The following BTRC variants were observed in gnomAD, a reference collection of about 807,000 sequenced individuals.
BTRC encodes the protein beta-transducin repeat containing E3 ubiquitin protein ligase.
Under a neutral mutation model 85.5 loss-of-function variants are expected in BTRC, and 42 were observed. That is an observed-to-expected ratio of 0.49 (90% confidence interval 0.38 to 0.64). The LOEUF is 0.64. Ranked by LOEUF, BTRC falls within the 30% of genes least tolerant of loss-of-function variation. The pLI is 0.00. For missense variants in BTRC, 594 were observed against 743.5 expected (o/e 0.80, Z 2.34); for synonymous variants, 255 against 263.3 (o/e 0.97, Z 0.30).
chr10:101,438,961 C>T (rs899887536), intron 2 of BTRC, among the ~76,000 whole-genome samples: 25 of 152,220 alleles, frequency 1.6e-4, no homozygotes, highest in African/African-American at 6.0e-4. Flanking sequence ...GATTATAAAA[C>T]TGAATCATGA....
chr10:101,509,546 G>A (rs955992683), intron 4 of BTRC, among the ~76,000 whole-genome samples: 1 of 146,132 alleles, frequency 6.8e-6, no homozygotes, highest in Admixed American at 6.8e-5. Context: ...GAGCCACCGC[G>A]CCCAGCCTTT....
At chr10:101,461,500 G>A (rs544498399) in intron 2 of BTRC, among the ~76,000 whole-genome samples, 20 of 152,214 alleles carry the variant, frequency 1.3e-4, no homozygotes, top group African/African-American at 4.8e-4. Flanking sequence ...GTTTTTTTAA[G>A]TCCTATGCTA....
At chr10:101,501,483 T>C (rs1409894251) in intron 4 of BTRC, among the ~76,000 whole-genome samples, 1 of 152,214 alleles carries the variant, frequency 6.6e-6, no homozygotes, top group Non-Finnish European at 1.5e-5. Context: ...TCACTTTTGC[T>C]TTCAGGCTAC....
chr10:101,449,220 A>C (rs548922833), intron 2 of BTRC, among the ~76,000 whole-genome samples: 1 of 152,184 alleles, frequency 6.6e-6, no homozygotes, highest in African/African-American at 2.4e-5. Flanking sequence ...TTGAATTGTA[A>C]TAAAATGGTA....
At chr10:101,365,149 C>T (rs1442732313) in intron 1 of BTRC, 1 of 151,766 alleles carries the variant, frequency 6.6e-6, no homozygotes, top group Non-Finnish European at 1.5e-5. Flanking sequence ...TCTCGGCTCA[C>T]CGCAACCTCC....
At chr10:101,385,827 T>C (rs1173739138) in intron 1 of BTRC, among the ~76,000 whole-genome samples, 1 of 126,828 alleles carries the variant, frequency 7.9e-6, no homozygotes, top group Non-Finnish European at 1.9e-5. Flanking sequence ...CTGATCTAGC[T>C]TGTTTTTTTT....
Position 101,534,590 on chromosome 10 carries a change from G to A in BTRC, c.1098-71G>A, listed in dbSNP as rs551664315. On this transcript the variant is annotated intron_variant, in intron 9 of 14. Transcript: ENST00000370187. Reference sequence around the variant, plus strand: ...CTCTCTAAATATAAGGGGTGGAAGGGCGCATGATGGTCAAATATAGGTAAC... The same window carrying A: ...CTCTCTAAATATAAGGGGTGGAAGGACGCATGATGGTCAAATATAGGTAAC... The A allele has an allele frequency of 5.1e-6, 8 of 1,580,736 alleles. No homozygotes were observed. The African/African-American group carries it at 6.7e-5, about 13-fold the overall frequency.
chr10:101,478,815 A>G (rs903195440), intron 3 of BTRC, among the ~76,000 whole-genome samples: 4 of 150,768 alleles, frequency 2.7e-5, no homozygotes, highest in Admixed American at 2.6e-4. Context: ...AAAAAGAGAA[A>G]GAAACATGTC....
intron 1 of BTRC, among the ~76,000 whole-genome samples, chr10:101,359,836 G>T (rs769738800): frequency 6.6e-6 from 1 of 152,100 alleles, no homozygotes; most frequent in East Asian, 1.9e-4. Flanking sequence ...CCAACCTCAG[G>T]TGATCTGCCC....
chr10:101,462,864 A>T (rs1055905079), intron 3 of BTRC, among the ~76,000 whole-genome samples: 1 of 151,618 alleles, frequency 6.6e-6, no homozygotes, highest in Non-Finnish European at 1.5e-5. Context: ...TATTTTTATT[A>T]TTTTATTTTA....
intron 1 of BTRC, among the ~76,000 whole-genome samples, chr10:101,381,035 C>CTTTTATAAATTTTATAA (rs1271948169): frequency 1.6e-4 from 24 of 152,122 alleles, no homozygotes; most frequent in African/African-American, 5.8e-4. Context: ...TTTATGAGAC[C>CTTTTATAAATTTTATAA]ACTGTTGCAT....
At chr10:101,396,664 T>G (rs1207514593) in intron 1 of BTRC, among the ~76,000 whole-genome samples, 3 of 152,118 alleles carry the variant, frequency 2.0e-5, no homozygotes, top group African/African-American at 7.2e-5. Context: ...TTGCTGTCTC[T>G]TGTTTGTGAA....
intron 4 of BTRC, among the ~76,000 whole-genome samples, chr10:101,495,607 T>C (rs1049321978): frequency 2.0e-5 from 3 of 152,200 alleles, no homozygotes; most frequent in East Asian, 1.9e-4. Context: ...AGTGAAGATA[T>C]AGTCTCAGGC....
chr10:101,408,591 T>A (rs1353932715), intron 1 of BTRC, among the ~76,000 whole-genome samples: 1 of 152,190 alleles, frequency 6.6e-6, no homozygotes, highest in Non-Finnish European at 1.5e-5. Context: ...CAGTTATGAG[T>A]CACTGGGCCT....
At chr10:101,517,053 A>G (rs767309687) in intron 4 of BTRC, among the ~76,000 whole-genome samples, 1 of 152,208 alleles carries the variant, frequency 6.6e-6, no homozygotes, top group African/African-American at 2.4e-5. Flanking sequence ...TTCACATTTC[A>G]TGAGTTTTCA....
intron 3 of BTRC, among the ~76,000 whole-genome samples, chr10:101,473,489 G>A (rs1370234335): frequency 5.5e-5 from 1 of 18,180 alleles, no homozygotes; most frequent in African/African-American, 2.8e-4. Context: ...TTTTTTTTTT[G>A]AGACAGAATC....
At chr10:101,389,116 TG>T (rs377738704) in intron 1 of BTRC, among the ~76,000 whole-genome samples, 1,589 of 53,838 alleles carry the variant, frequency 0.03, 200 homozygotes, top group Non-Finnish European at 0.043. Flanking sequence ...ATTTTTTGTG[TG>T]TGTTTTTTTT....
At chr10:101,401,356 C>G (rs1203784679) in intron 1 of BTRC, among the ~76,000 whole-genome samples, 1 of 151,986 alleles carries the variant, frequency 6.6e-6, no homozygotes, top group East Asian at 1.9e-4. Context: ...AGTGAACATC[C>G]TTAACTTTTT....
intron 4 of BTRC, among the ~76,000 whole-genome samples, chr10:101,514,362 T>G (rs1397361445): frequency 1.3e-5 from 2 of 152,196 alleles, no homozygotes; most frequent in African/African-American, 4.8e-5. Flanking sequence ...TATATATAAA[T>G]CTAGAATTAA....
Sources: allele counts gnomAD v4.1 joint callset (sites outside exome capture counted in the v4.1 genomes callset), GRCh38; gene constraint gnomAD v4.1.1; transcripts MANE v1.5; gene names NCBI Gene and HGNC (gene_info 2026-07-23, HGNC 2026-07-21).